CD101: variants seen among roughly 807,000 people sequenced by gnomAD.
CD101 encodes the protein immunoglobulin superfamily member 2.
Under a neutral mutation model 98.2 loss-of-function variants are expected in CD101, and 76 were observed. The observed-to-expected ratio is 0.77, with a 90% CI of 0.64 to 0.94. The LOEUF is 0.94. Among genes scored for constraint, CD101 ranks in the 40% least tolerant of loss-of-function variants. The probability of loss-of-function intolerance (pLI) is 0.00; values close to 1 mark genes in which losing one functional copy is unlikely to be tolerated. For synonymous variants in CD101, 471 were observed against 472.7 expected (o/e 1.00, Z 0.05); for missense variants, 1,145 against 1,218.8 (o/e 0.94, Z 0.90).
Position 117,017,116 on chromosome 1 carries a change from A to G in CD101, c.1255A>G (p.Asn419Asp), listed in dbSNP as rs759393986. 6.2e-7 allele frequency: 1 copy of G among 1,614,114 alleles called. No homozygotes were observed. Among genetic ancestry groups the G allele is most frequent in the Non-Finnish European group, 8.5e-7 (1 of 1,179,974 alleles). Residue 419 changes from asparagine to aspartate, a missense_variant, in exon 5 of 10, where the codon AAC (asparagine) becomes GAC (aspartate). Transcript: ENST00000682167. Reference protein sequence around the residue: ...AARSVVMSTKNKQQVVWEGET... With the variant: ...AARSVVMSTKDKQQVVWEGET... ...AAGAAGTGTGGTCATGTCTACCAAGAACAAGCAGCAAGTTGTGTGGGAAGG... is the reference window on the plus strand; with the variant it reads ...AAGAAGTGTGGTCATGTCTACCAAGGACAAGCAGCAAGTTGTGTGGGAAGG...
At chr1:117,035,793 C>A (rs1042995231) in intron 9 of CD101, among the ~76,000 whole-genome samples, 2 of 152,146 alleles carry the variant, frequency 1.3e-5, no homozygotes, top group Admixed American at 1.3e-4. Flanking sequence ...ACTTCATGAT[C>A]CACCCGCCTC....
intron 8 of CD101, among the ~76,000 whole-genome samples, chr1:117,029,206 A>T (rs1654211479): frequency 2.1e-5 from 2 of 94,626 alleles, no homozygotes; most frequent in African/African-American, 9.7e-5. Context: ...AAAGAAAGAA[A>T]AGAAAGAAAA....
At position 117,019,393 on chromosome 1, in the gene CD101, A is replaced by AC. The variant is rs1480809147; in HGVS notation, c.2017+833_2017+834insC. On this transcript the variant is annotated intron_variant, in intron 6 of 9. Coordinates refer to ENST00000682167, the MANE Select transcript of CD101 (RefSeq NM_001256106.3). This position sits in a 1 kb window ranked among gnomAD's most constrained non-coding sequence, Gnocchi z 4.3. ...ATTATTCTCTCTGCTGCTGTGCAAC[A>AC]TTTTTGGTAATAGTAATGATCCCCT... Among the ~76,000 whole-genome samples the AC allele has an allele frequency of 1.3e-5, 2 of 152,118 alleles. No homozygotes were observed. The highest frequency in any genetic ancestry group is 3.9e-4 in the East Asian group (2 of 5,192).
chr1:117,008,739 G>C lies in CD101; in HGVS notation c.44-1111G>C, dbSNP rs140516612. Among the ~76,000 whole-genome samples, 1,502 of 151,386 alleles carry C rather than the reference G, an allele frequency of 9.9e-3. 16 individuals are homozygous for C. The highest frequency in any genetic ancestry group is 0.048 in the Middle Eastern group (14 of 294). On this transcript the variant is annotated intron_variant, in intron 1 of 9. Transcript: ENST00000682167. ...TTCCCTCACTTTTTTTTTCCACTCT[G>C]GTCTCCTTACTCTTTGTCCCTGTGG...
rs1553188315 is a variant in CD101, at chr1:117,029,204, A to AAAGAAGG, written c.2824+3302_2824+3303insGAAGGAA. 9.6e-3 allele frequency among the ~76,000 whole-genome samples: 566 copies of AAAGAAGG among 58,784 alleles called. 58 individuals carry two copies. Among genetic ancestry groups the AAAGAAGG allele is most frequent in the East Asian group, 0.014 (34 of 2,438 alleles). 38.6% of individuals were successfully genotyped at this position (58,784 alleles called of 152,430 possible). A position where few individuals can be genotyped will look rare whatever the true frequency, so the allele number is the denominator to read the frequency against. On this transcript the variant is annotated intron_variant, in intron 8 of 9. Transcript: ENST00000682167. ...GAAAGAAAGAAAGAAAGAAAGAAAG[A>AAAGAAGG]AAAGAAAGAAAAGAAAGAAAGAAAG...
chr1:117,031,466 A>G (rs1320801000), intron 8 of CD101, among the ~76,000 whole-genome samples: 1 of 152,210 alleles, frequency 6.6e-6, no homozygotes, highest in Non-Finnish European at 1.5e-5. Flanking sequence ...TAATCATTTC[A>G]GTCTTTGCTG....
At position 117,021,470 on chromosome 1, in the gene CD101, T is replaced by C. The variant is rs916160775; in HGVS notation, c.2018-103T>C. ...GGCTACTGTAGAGGGAGTTCACCCATATGATGGCGGGAGGATGCAGTGTCA... is the reference window on the plus strand; with the variant it reads ...GGCTACTGTAGAGGGAGTTCACCCACATGATGGCGGGAGGATGCAGTGTCA... On this transcript the variant is annotated intron_variant, in intron 6 of 9. Transcript: ENST00000682167. The surrounding 1 kb of genome is among the most constrained non-coding windows in gnomAD (Gnocchi z 4.7). 11 of 930,456 alleles carry C rather than the reference T, an allele frequency of 1.2e-5. No individual in the cohort carries two copies. The Admixed American group carries it at 2.6e-4, about 22-fold the overall frequency. 57.6% of individuals were successfully genotyped at this position (930,456 alleles called of 1,614,324 possible). A position where few individuals can be genotyped will look rare whatever the true frequency, so the allele number is the denominator to read the frequency against.
chr1:117,008,325 C>T (rs566072692), intron 1 of CD101, among the ~76,000 whole-genome samples: 63 of 152,140 alleles, frequency 4.1e-4, no homozygotes, highest in African/African-American at 1.4e-3. Context: ...CTTATCCAGG[C>T]GTGGTGGCCC....
chr1:117,025,462 A>G, intron 7 of CD101, 47 bp from the exon 8 acceptor site: 1 of 1,481,152 alleles, frequency 6.8e-7, no homozygotes, highest in Non-Finnish European at 9.0e-7. Flanking sequence ...GTGGTATCCA[A>G]ATCTGAAAGT....
rs779120171 is a variant in CD101, at chr1:117,025,727, C to A, written c.2647C>A (p.His883Asn). 3.7e-6 allele frequency: 6 copies of A among 1,614,188 alleles called. No homozygotes were observed. In the East Asian group the frequency reaches 8.9e-5, roughly 24 times the overall value. Reference sequence around the variant, plus strand: ...GGAAGAGGGGCTCAGGAGGCACCTGCACTGTTACCGTTCATCCTCTACAGA... The same window carrying A: ...GGAAGAGGGGCTCAGGAGGCACCTGAACTGTTACCGTTCATCCTCTACAGA... ...YGEEGLRRHL[H>N]CYRSSSTDFV... is the part of the protein sequence containing the mutation. The change falls in exon 8 of 10, where the codon CAC becomes AAC. Residue 883 changes from histidine (H) to asparagine (N), a missense_variant. Coordinates refer to ENST00000682167, the MANE Select transcript of CD101 (RefSeq NM_001256106.3).
At position 117,018,730 on chromosome 1, in the gene CD101, T is replaced by C. The variant is rs1355323938; in HGVS notation, c.2017+170T>C. ...CAGGTTAACATTGAGTTAGTATGCA[T>C]GGGTTGGCCATACTGGTTGTTAAAA... On this transcript the variant is annotated intron_variant, in intron 6 of 9. Coordinates refer to ENST00000682167, the MANE Select transcript of CD101 (RefSeq NM_001256106.3). This position sits in a 1 kb window ranked among gnomAD's most constrained non-coding sequence, Gnocchi z 4.3. Among the ~76,000 whole-genome samples, 3 of 152,234 alleles carry C rather than the reference T, an allele frequency of 2.0e-5. No homozygotes were observed. The highest frequency in any genetic ancestry group is 1.3e-4 in the Admixed American group (2 of 15,286).
intron 1 of CD101, among the ~76,000 whole-genome samples, chr1:117,003,090 CAAGATTGAG>C (rs1652334683): frequency 6.6e-6 from 1 of 151,954 alleles, no homozygotes; most frequent in South Asian, 2.1e-4. Context: ...TGCAGTGAGC[CAAGATTGAG>C]CCACTGCACT....
chr1:117,007,712 G>A (rs1471156626), intron 1 of CD101, among the ~76,000 whole-genome samples: 1 of 152,134 alleles, frequency 6.6e-6, no homozygotes, highest in African/African-American at 2.4e-5. Context: ...ATACAGTGTG[G>A]TTTCACCTGT....
intron 8 of CD101, among the ~76,000 whole-genome samples, chr1:117,029,257 G>GAAAAGAAAGA (rs138791592): frequency 1.6e-5 from 2 of 127,062 alleles, no homozygotes; most frequent in African/African-American, 3.7e-5. Context: ...AAGAAAGAAA[G>GAAAAGAAAGA]AAAGAAAGAA....
intron 8 of CD101, among the ~76,000 whole-genome samples, chr1:117,028,829 C>CA (rs1442235807): frequency 1.3e-5 from 2 of 152,058 alleles, no homozygotes; most frequent in Non-Finnish European, 2.9e-5. Flanking sequence ...TCAGGGAAGT[C>CA]AGACTGCAGC....
chr1:117,021,987 A>G lies in CD101; in HGVS notation c.2428+4A>G, dbSNP rs1183098776. 1 of 1,600,052 alleles carries G rather than the reference A, an allele frequency of 6.2e-7. No homozygotes were observed. Among genetic ancestry groups the G allele is most frequent in the Non-Finnish European group, 8.5e-7 (1 of 1,173,518 alleles). On this transcript the variant is annotated splice_donor_region_variant and intron_variant, in intron 7 of 9. Transcript: ENST00000682167. The surrounding 1 kb of genome is among the most constrained non-coding windows in gnomAD (Gnocchi z 4.7). ...GAATTGAAACTCAAGCCCACAGGTA[A>G]ACCTTGCGAGTGTATCCTCACAATG...
chr1:117,035,806 C>G (rs1003290267), intron 9 of CD101, among the ~76,000 whole-genome samples: 6 of 152,194 alleles, frequency 3.9e-5, no homozygotes, highest in African/African-American at 1.4e-4. Flanking sequence ...CCCGCCTCGG[C>G]CTCCCAAAGT....
At chr1:117,008,865 C>T (rs1160418148) in intron 1 of CD101, among the ~76,000 whole-genome samples, 1 of 152,214 alleles carries the variant, frequency 6.6e-6, no homozygotes, top group Non-Finnish European at 1.5e-5. Flanking sequence ...TCTGGCCCTT[C>T]TGGTGTCTTC....
In CD101 at chr1:117,006,741, A is replaced by C. The variant is rs1652555922; in HGVS notation, c.44-3109A>C. On this transcript the variant is annotated intron_variant, in intron 1 of 9. Coordinates refer to ENST00000682167, the MANE Select transcript of CD101 (RefSeq NM_001256106.3). This position sits in a 1 kb window ranked among gnomAD's most constrained non-coding sequence, Gnocchi z 4.4. ...CCTCAAAATGTAGTCCCTCTTCAAA[A>C]TTTTTGAAGCACTTTTATTATATGT... Among the ~76,000 whole-genome samples the C allele has an allele frequency of 6.6e-6, 1 of 151,992 alleles. No homozygotes were observed. The highest frequency in any genetic ancestry group is 2.4e-5 in the African/African-American group (1 of 41,354).
Sources: allele counts gnomAD v4.1 joint callset (sites outside exome capture counted in the v4.1 genomes callset), GRCh38; gene constraint gnomAD v4.1.1; non-coding constraint Gnocchi (gnomAD v3.1); transcripts MANE v1.5; gene names NCBI Gene and HGNC (gene_info 2026-07-23, HGNC 2026-07-21).